ARID4A: variants seen among roughly 807,000 people sequenced by gnomAD.
ARID4A encodes the protein AT-rich interaction domain 4A, also known as AT-rich interactive domain-containing protein 4A.
Under a neutral mutation model 148.6 loss-of-function variants are expected in ARID4A, and 39 were observed. The ratio of observed to expected loss-of-function variants is 0.26; its 90% CI spans 0.20 to 0.34. The LOEUF (loss-of-function observed/expected upper bound fraction) is 0.34, where lower values mean the gene tolerates loss of function less well. Among genes scored for constraint, ARID4A ranks in the 10% least tolerant of loss-of-function variants. The pLI is 1.00. For synonymous variants in ARID4A, 475 were observed against 481.2 expected, an observed-to-expected ratio of 0.99 and a Z score of 0.17; for missense variants, 1,265 against 1,449.1, an observed-to-expected ratio of 0.87 and a Z score of 2.06.
chr14:58,318,627 G>T lies in ARID4A; in HGVS notation c.354+6G>T, dbSNP rs2032631496. 1 of 1,614,146 alleles carries T rather than the reference G, an allele frequency of 6.2e-7. No homozygotes were observed. Among genetic ancestry groups the T allele is most frequent in the South Asian group, 1.1e-5 (1 of 91,080 alleles). ...GACATTTTGCAGAGAGTGAGGTAGGGTGACACGGATGGACGATTTGGATTG... is the reference window on the plus strand; with the variant it reads ...GACATTTTGCAGAGAGTGAGGTAGGTTGACACGGATGGACGATTTGGATTG... On this transcript the variant is annotated splice_donor_region_variant and intron_variant, in intron 6 of 23. Coordinates refer to ENST00000355431, the MANE Select transcript of ARID4A (RefSeq NM_002892.4).
chr14:58,309,720 T>C (rs941575129), intron 5 of ARID4A, among the ~76,000 whole-genome samples: 1 of 152,232 alleles, frequency 6.6e-6, no homozygotes, highest in African/African-American at 2.4e-5. Flanking sequence ...TTTGAAAATG[T>C]ACACACACAG....
intron 16 of ARID4A, among the ~76,000 whole-genome samples, chr14:58,352,719 C>G (rs2034693585): frequency 6.6e-6 from 1 of 152,050 alleles, no homozygotes; most frequent in Admixed American, 6.5e-5. Flanking sequence ...CAAAATAATG[C>G]CCTATATTTA....
At chr14:58,329,706 G>T (rs2033413067) in intron 10 of ARID4A, 102 bp downstream of exon 10, 7 of 1,071,022 alleles carry the variant, frequency 6.5e-6, no homozygotes, top group South Asian at 1.5e-5. Flanking sequence ...CATTTTAACT[G>T]TTTAGAGTTG....
chr14:58,336,845 C>T (rs1477591601), intron 11 of ARID4A, among the ~76,000 whole-genome samples: 1 of 151,776 alleles, frequency 6.6e-6, no homozygotes, highest in Non-Finnish European at 1.5e-5. Context: ...GGTTAGATAC[C>T]TTATCCCATA....
chr14:58,336,743 C>T (rs1292834940), intron 11 of ARID4A, among the ~76,000 whole-genome samples: 1 of 151,872 alleles, frequency 6.6e-6, no homozygotes, highest in African/African-American at 2.4e-5. Flanking sequence ...TTAGTCCTTA[C>T]AACAGTCTAT....
At chr14:58,336,912 G>C (rs1432104053) in intron 11 of ARID4A, among the ~76,000 whole-genome samples, 4 of 146,580 alleles carry the variant, frequency 2.7e-5, no homozygotes, top group Non-Finnish European at 6.0e-5. Context: ...TTTTGTTTTT[G>C]AGACAGTCTC....
Position 58,364,680 on chromosome 14 carries a change from C to T in ARID4A, c.2591C>T (p.Ser864Leu), listed in dbSNP as rs34630637. The T allele has an allele frequency of 5.8e-5, 94 of 1,613,510 alleles. No individual in the cohort carries two copies. In the African/African-American group the frequency reaches 1.1e-3, roughly 19 times the overall value. ...AAACGGAAAATACTAGGACAATCAT[C>T]GCCAGAGAAAAAAATAAGAATTGAG... ...KLKRKILGQS[S>L]PEKKIRIENG... The change falls in exon 20 of 24, where the codon TCG (serine) becomes TTG (leucine). Residue 864 changes from serine (S) to leucine (L), a missense_variant. Ser to Leu is a moderately radical substitution (Grantham distance 145, BLOSUM62 -2). Transcript: ENST00000355431.
chr14:58,356,003 C>T (rs773865927), intron 17 of ARID4A, among the ~76,000 whole-genome samples: 1 of 152,154 alleles, frequency 6.6e-6, no homozygotes, highest in South Asian at 2.1e-4. Flanking sequence ...TTCTTCTCTA[C>T]TCCTAAAAGC....
At chr14:58,323,161 T>TAA (rs905599033) in intron 7 of ARID4A, among the ~76,000 whole-genome samples, 5 of 144,096 alleles carry the variant, frequency 3.5e-5, no homozygotes, top group Admixed American at 7.0e-5. Context: ...AGGGCAATCT[T>TAA]AAAAAAAAAA....
Position 58,372,223 on chromosome 14 carries a change from C to T in ARID4A, c.*234C>T, listed in dbSNP as rs2035644364. 2.4e-6 allele frequency: 1 copy of T among 418,538 alleles called. No individual in the cohort carries two copies. The highest frequency in any genetic ancestry group is 4.3e-6 in the Non-Finnish European group (1 of 232,940). The allele number at this position is 418,538 out of a possible 1,614,324, so 25.9% of individuals were successfully genotyped here. On this transcript the variant is annotated 3_prime_UTR_variant, in exon 24 of 24. Coordinates refer to ENST00000355431, the MANE Select transcript of ARID4A (RefSeq NM_002892.4). ...TGCCATATTTGTCATAATTTTTCCTCTTTACTTTTGTTTTTCGTTTGTTGT... is the reference window on the plus strand; with the variant it reads ...TGCCATATTTGTCATAATTTTTCCTTTTTACTTTTGTTTTTCGTTTGTTGT...
At chr14:58,304,742 CTG>C (rs1306514163) in intron 3 of ARID4A, among the ~76,000 whole-genome samples, 200 bp from the exon 4 acceptor site, 1 of 151,964 alleles carries the variant, frequency 6.6e-6, no homozygotes, top group Non-Finnish European at 1.5e-5. Context: ...CACTTGCTAA[CTG>C]TTGGGGATAT....
intron 4 of ARID4A, among the ~76,000 whole-genome samples, chr14:58,305,228 T>C (rs567926472): frequency 6.6e-6 from 1 of 152,268 alleles, no homozygotes; most frequent in East Asian, 1.9e-4. Context: ...TTAATATATA[T>C]AAACATGTTA....
intron 5 of ARID4A, among the ~76,000 whole-genome samples, chr14:58,308,000 T>TGA: frequency 1.4e-5 from 1 of 73,024 alleles, no homozygotes. Flanking sequence ...AAGGTTGTAC[T>TGA]CACTTTGAAG....
intron 11 of ARID4A, among the ~76,000 whole-genome samples, chr14:58,334,147 T>C (rs1319923118): frequency 6.6e-6 from 1 of 151,930 alleles, no homozygotes; most frequent in Non-Finnish European, 1.5e-5. Context: ...TACACAAAAA[T>C]ATAGCTACAT....
At chr14:58,345,719 C>CTTTTTTTT (rs869137059) in intron 12 of ARID4A, among the ~76,000 whole-genome samples, 5 of 75,870 alleles carry the variant, frequency 6.6e-5, no homozygotes, top group African/African-American at 1.8e-4. Context: ...TATGCCTAAA[C>CTTTTTTTT]TTTTTTTTTT....
chr14:58,299,185 T>TCCTCCCCTCCGCCCCCCGCCC (rs2030878589), intron 1 of ARID4A: 1 of 151,116 alleles, frequency 6.6e-6, no homozygotes, highest in African/African-American at 2.4e-5. Context: ...CCTCCCCTCC[T>TCCTCCCCTCCGCCCCCCGCCC]CCTCCCCTCC....
chr14:58,300,149 A>C (rs890246252), intron 2 of ARID4A, among the ~76,000 whole-genome samples: 1 of 152,174 alleles, frequency 6.6e-6, no homozygotes, highest in African/African-American at 2.4e-5. Flanking sequence ...ACCTTTGCAG[A>C]AGTAAAGCTT....
Position 58,367,040 on chromosome 14 carries a change from T to C in ARID4A, c.3670+11T>C, listed in dbSNP as rs1466094543. On this transcript the variant is annotated intron_variant, in intron 23 of 23. Transcript: ENST00000355431. The stretch of plus-strand genomic sequence containing the variant: ...AGAAAGACAGGGAAGGTAATTTTAT[T>C]ATGATTTTTCTCCCCTTATATTTCA... 11 of 1,472,740 alleles carry C rather than the reference T, an allele frequency of 7.5e-6. No homozygotes were observed. Among genetic ancestry groups the C allele is most frequent in the Admixed American group, 5.4e-5 (2 of 37,150 alleles). The allele number at this position is 1,472,740 out of a possible 1,614,324, so 91.2% of individuals were successfully genotyped here.
At chr14:58,355,158 T>A (rs1470338267) in intron 17 of ARID4A, among the ~76,000 whole-genome samples, 2 of 152,218 alleles carry the variant, frequency 1.3e-5, no homozygotes, top group Non-Finnish European at 2.9e-5. Context: ...ATTTAATATC[T>A]CTGGTTGCCC....
Sources: gnomAD v4.1 joint callset for allele counts (sites outside exome capture counted in the v4.1 genomes callset) on GRCh38, gnomAD v4.1.1 for gene constraint, MANE v1.5 for transcripts, NCBI Gene and HGNC (gene_info 2026-07-23, HGNC 2026-07-21) for gene names.